The following MYRFL variants were observed in gnomAD, a reference collection of about 807,000 sequenced individuals.
MYRFL encodes myelin regulatory factor-like protein.
In MYRFL, 88 loss-of-function variants were observed where a neutral mutation model predicts 109.4. The ratio of observed to expected loss-of-function variants is 0.80; its 90% confidence interval spans 0.68 to 0.96. MYRFL has a LOEUF of 0.96. MYRFL is among the 40% of genes least tolerant of loss of function. The pLI is 0.00. For synonymous variants in MYRFL, 324 were observed against 320.9 expected (o/e 1.01, Z -0.10); for missense variants, 957 against 954.9 (o/e 1.00, Z -0.03).
chr12:69,835,503 TA>T (rs1882879582), intron 1 of MYRFL, among the ~76,000 whole-genome samples: 1 of 152,238 alleles, frequency 6.6e-6, no homozygotes, highest in African/African-American at 2.4e-5. Flanking sequence ...TTTGCATAGC[TA>T]TTTTTTTATT....
intron 1 of MYRFL, among the ~76,000 whole-genome samples, chr12:69,851,172 TA>T (rs1019881098): frequency 6.6e-6 from 1 of 152,170 alleles, no homozygotes; most frequent in Non-Finnish European, 1.5e-5. Flanking sequence ...TTGAAAAATC[TA>T]AAAAGACATG....
Position 69,903,240 on chromosome 12 carries a change from C to G in MYRFL, c.1183-404C>G, listed in dbSNP as rs532963517. ...CTAAATGCAAGGTATTTTTATTTAT[C>G]TGACTTTAGTACACCTGTAATATTT... is the stretch of plus-strand genomic sequence containing the variant. On this transcript the variant is annotated intron_variant, in intron 10 of 24. Transcript: ENST00000552032. 2.6e-5 allele frequency among the ~76,000 whole-genome samples: 4 copies of G among 152,250 alleles called. No individual in the cohort carries two copies. In the South Asian group the frequency reaches 8.3e-4, roughly 32 times the overall value.
At chr12:69,838,021 T>C (rs1188137917) in intron 1 of MYRFL, among the ~76,000 whole-genome samples, 3 of 152,178 alleles carry the variant, frequency 2.0e-5, no homozygotes, top group Non-Finnish European at 2.9e-5. Context: ...CCAAGTCTTC[T>C]GGATTTCCTT....
At chr12:69,937,735 G>T (rs1273774444) in intron 19 of MYRFL, among the ~76,000 whole-genome samples, 1 of 152,182 alleles carries the variant, frequency 6.6e-6, no homozygotes, top group African/African-American at 2.4e-5. Flanking sequence ...ACTTATAAGT[G>T]GTGCTCATGA....
rs577298630 is a variant in MYRFL, at chr12:69,921,313, G to A, written c.1603-5258G>A. ...CCACCCTGGCCTCCCAAAGTGCTGG[G>A]ATTACAAGTGTGAGCTAATGTGTCT... On this transcript the variant is annotated intron_variant, in intron 13 of 24. Transcript: ENST00000552032. Among the ~76,000 whole-genome samples the A allele has an allele frequency of 1.6e-4, 24 of 152,230 alleles. No individual in the cohort carries two copies. In the South Asian group the frequency reaches 4.8e-3, roughly 30 times the overall value.
At chr12:69,950,803 A>G (rs1955954259) in intron 19 of MYRFL, among the ~76,000 whole-genome samples, 1 of 152,214 alleles carries the variant, frequency 6.6e-6, no homozygotes, top group African/African-American at 2.4e-5. Context: ...TGATTCTGAG[A>G]TAGCAATACT....
At chr12:69,919,781 T>C (rs1053674298) in intron 13 of MYRFL, among the ~76,000 whole-genome samples, 5 of 152,208 alleles carry the variant, frequency 3.3e-5, no homozygotes, top group African/African-American at 1.2e-4. Flanking sequence ...AGCTGTTTTA[T>C]TCCCATGGTT....
At chr12:69,916,152 TA>T (rs1236618217) in intron 13 of MYRFL, among the ~76,000 whole-genome samples, 1 of 152,122 alleles carries the variant, frequency 6.6e-6, no homozygotes, top group Non-Finnish European at 1.5e-5. Flanking sequence ...GATGCAATGA[TA>T]AGTAACCCTT....
intron 5 of MYRFL, among the ~76,000 whole-genome samples, chr12:69,881,797 A>G (rs1206898983): frequency 1.3e-5 from 2 of 152,170 alleles, no homozygotes; most frequent in African/African-American, 2.4e-5. Flanking sequence ...TTAAAGCCCC[A>G]TTTGTGGATA....
Position 69,957,594 on chromosome 12 carries a change from A to G in MYRFL, c.2451-228A>G, listed in dbSNP as rs569623268. Reference sequence around the variant, plus strand: ...TAGAAAAGAAAGAAAAAAAGAAACCATCATATACTATTTCGATAGCTATCT... The same window carrying G: ...TAGAAAAGAAAGAAAAAAAGAAACCGTCATATACTATTTCGATAGCTATCT... On this transcript the variant is annotated intron_variant, in intron 22 of 24. Coordinates refer to ENST00000552032, the MANE Select transcript of MYRFL (RefSeq NM_182530.3). Among the ~76,000 whole-genome samples the G allele has an allele frequency of 3.3e-5, 5 of 152,276 alleles. No homozygotes were observed. In the South Asian group the frequency reaches 1.0e-3, roughly 32 times the overall value.
Position 69,895,492 on chromosome 12 carries a change from C to G in MYRFL, c.1091+11C>G. Reference sequence around the variant, plus strand: ...AAATCCAGACCAGAGGTACTGATGTCACTGTGTGCATGGCAGTGTGGCTGG... The same window carrying G: ...AAATCCAGACCAGAGGTACTGATGTGACTGTGTGCATGGCAGTGTGGCTGG... On this transcript the variant is annotated intron_variant, in intron 9 of 24. Transcript: ENST00000552032. The G allele has an allele frequency of 6.5e-7, 1 of 1,531,496 alleles. No homozygotes were observed. The highest frequency in any genetic ancestry group is 8.8e-7 in the Non-Finnish European group (1 of 1,142,822). The allele number at this position is 1,531,496 out of a possible 1,614,324, so 94.9% of individuals were successfully genotyped here. A position where few individuals can be genotyped will look rare whatever the true frequency, so the allele number is the denominator to read the frequency against.
intron 8 of MYRFL, among the ~76,000 whole-genome samples, chr12:69,895,139 TACTG>T (rs1423431471): frequency 6.6e-6 from 1 of 152,234 alleles, no homozygotes; most frequent in African/African-American, 2.4e-5. Context: ...CTTCAGCTTT[TACTG>T]ACTGAGCATT....
chr12:69,837,247 T>G (rs536709378), intron 1 of MYRFL, among the ~76,000 whole-genome samples: 1 of 152,256 alleles, frequency 6.6e-6, no homozygotes, highest in African/African-American at 2.4e-5. Flanking sequence ...ATAAATATAG[T>G]CAGTATTTGG....
At chr12:69,938,609 T>C (rs1232701782) in intron 19 of MYRFL, among the ~76,000 whole-genome samples, 1 of 152,202 alleles carries the variant, frequency 6.6e-6, no homozygotes, top group African/African-American at 2.4e-5. Context: ...CAGGCCAGGC[T>C]AATGTGTATA....
At chr12:69,832,446 A>G (rs1182520303) in intron 1 of MYRFL, among the ~76,000 whole-genome samples, 1 of 152,206 alleles carries the variant, frequency 6.6e-6, no homozygotes, top group Non-Finnish European at 1.5e-5. Flanking sequence ...GGAGATAAAT[A>G]AAACAATGAT....
At chr12:69,934,256 T>G (rs1955375243) in intron 16 of MYRFL, among the ~76,000 whole-genome samples, 1 of 152,062 alleles carries the variant, frequency 6.6e-6, no homozygotes. Flanking sequence ...AGAGAGTGAG[T>G]GCAGGGTTTG....
In MYRFL at chr12:69,886,862, G is replaced by GTGAGGGA. The variant is rs1229383311; in HGVS notation, c.600_606dup (p.Gln203Ter). The GTGAGGGA allele has an allele frequency of 6.5e-7, 1 of 1,535,982 alleles. No homozygotes were observed. The highest frequency in any genetic ancestry group is 2.0e-5 in the Admixed American group (1 of 51,000). ...AGCAGTGAAGTCCAGGACCCTGACA[G>GTGAGGGA]TGAGGGACAGAACAGAATGCCTACA... On this transcript the variant is annotated frameshift_variant, in exon 6 of 25. Coordinates refer to ENST00000552032, the MANE Select transcript of MYRFL (RefSeq NM_182530.3). LOFTEE classifies it high-confidence loss of function.
chr12:69,911,080 C>A (rs989879), intron 13 of MYRFL, 150 bp downstream of exon 13: 140,382 of 447,696 alleles, frequency 0.31, 24,857 homozygotes, highest in African/African-American at 0.5. Flanking sequence ...GGTATCAACT[C>A]TCTTATAATT....
chr12:69,854,116 G>C (rs544436330), intron 1 of MYRFL, among the ~76,000 whole-genome samples: 1 of 152,212 alleles, frequency 6.6e-6, no homozygotes, highest in East Asian at 1.9e-4. Context: ...AGGCCGAGGC[G>C]GGCAGATCAC....
Sources: gnomAD v4.1 joint callset for allele counts (sites outside exome capture counted in the v4.1 genomes callset) on GRCh38, gnomAD v4.1.1 for gene constraint, MANE v1.5 for transcripts, NCBI Gene and HGNC (gene_info 2026-07-23, HGNC 2026-07-21) for gene names.